CSGALNACT2: variants seen among roughly 807,000 people sequenced by gnomAD.
CSGALNACT2 encodes the protein beta 4 GalNAcT-2.
In CSGALNACT2, 35 loss-of-function variants were observed where a neutral mutation model predicts 55.3. The ratio of observed to expected loss-of-function variants is 0.63; its 90% CI spans 0.48 to 0.84. CSGALNACT2 has a LOEUF of 0.84. Ranked by LOEUF, CSGALNACT2 falls within the 40% of genes least tolerant of loss-of-function variation. The pLI is 0.00. For missense variants in CSGALNACT2, 544 were observed against 657.5 expected, an observed-to-expected ratio of 0.83 and a Z score of 1.89; for synonymous variants, 196 against 224.9, an observed-to-expected ratio of 0.87 and a Z score of 1.15.
chr10:43,142,200 ATTTG>A (rs879291730), intron 1 of CSGALNACT2, among the ~76,000 whole-genome samples: 6 of 148,518 alleles, frequency 4.0e-5, no homozygotes, highest in Non-Finnish European at 7.5e-5. Flanking sequence ...GTATTTATTT[ATTTG>A]TTTATTTATT....
At position 43,184,762 on chromosome 10, in the gene CSGALNACT2, T is replaced by G. The variant is rs1023984085; in HGVS notation, c.*1220T>G. 1 of 152,236 alleles carries G rather than the reference T, an allele frequency of 6.6e-6. No homozygotes were observed. Among genetic ancestry groups the G allele is most frequent in the Non-Finnish European group, 1.5e-5 (1 of 68,032 alleles). The allele number at this position is 152,236 out of a possible 1,614,324, so 9.4% of individuals were successfully genotyped here. ...ACTGCACTACATTATTTGTCACACATGGATCTGTTACCATCAGGTCAATTC... is the reference window on the plus strand; with the variant it reads ...ACTGCACTACATTATTTGTCACACAGGGATCTGTTACCATCAGGTCAATTC... On this transcript the variant is annotated 3_prime_UTR_variant, in exon 8 of 8. Transcript: ENST00000374466.
At chr10:43,167,462 A>G (rs2133136522) in intron 6 of CSGALNACT2, among the ~76,000 whole-genome samples, 1 of 152,352 alleles carries the variant, frequency 6.6e-6, no homozygotes, top group South Asian at 2.1e-4. Flanking sequence ...GCTAAATAAG[A>G]GGGAATAGTA....
intron 7 of CSGALNACT2, among the ~76,000 whole-genome samples, chr10:43,182,173 G>T (rs1839601960): frequency 6.6e-6 from 1 of 151,794 alleles, no homozygotes; most frequent in African/African-American, 2.4e-5. Context: ...CACTCTATCA[G>T]AATTGTTCTG....
chr10:43,176,138 T>C, intron 7 of CSGALNACT2, 106 bp downstream of exon 7: 1 of 798,426 alleles, frequency 1.3e-6, no homozygotes, highest in East Asian at 2.7e-5. Flanking sequence ...AGTATGAGTG[T>C]CTAAGGTTAG....
At chr10:43,161,394 C>G (rs890979154) in intron 4 of CSGALNACT2, among the ~76,000 whole-genome samples, 31 of 152,144 alleles carry the variant, frequency 2.0e-4, no homozygotes, top group African/African-American at 7.0e-4. Context: ...CATCTCTAAC[C>G]ACACCAGCTC....
At chr10:43,154,122 G>A (rs905291416) in intron 1 of CSGALNACT2, among the ~76,000 whole-genome samples, 9 of 152,190 alleles carry the variant, frequency 5.9e-5, no homozygotes, top group Non-Finnish European at 4.4e-5. Context: ...AATTAATGAG[G>A]TAGAATGCTT....
At chr10:43,176,105 A>G (rs1296454364) in intron 7 of CSGALNACT2, 73 bp downstream of exon 7, 11 of 1,222,448 alleles carry the variant, frequency 9.0e-6, no homozygotes, top group Non-Finnish European at 1.3e-5. Context: ...AAAAGGTCTC[A>G]GATTTGAGTG....
chr10:43,173,782 CAA>C (rs1232830210), intron 6 of CSGALNACT2, among the ~76,000 whole-genome samples: 7 of 152,072 alleles, frequency 4.6e-5, no homozygotes, highest in Non-Finnish European at 8.8e-5. Flanking sequence ...CACCAGAGGT[CAA>C]GAGTTCGATA....
intron 4 of CSGALNACT2, among the ~76,000 whole-genome samples, chr10:43,161,704 G>C (rs1839153294): frequency 6.6e-6 from 1 of 152,174 alleles, no homozygotes; most frequent in Non-Finnish European, 1.5e-5. Context: ...TTTCAGTTCA[G>C]AGTAAAACCA....
In CSGALNACT2 at chr10:43,138,450, A is replaced by G. The variant is rs374518707; in HGVS notation, c.-371A>G. The G allele has an allele frequency of 6.6e-6, 1 of 151,106 alleles. No homozygotes were observed. The highest frequency in any genetic ancestry group is 1.5e-5 in the Non-Finnish European group (1 of 67,720). The allele number at this position is 151,106 out of a possible 1,614,324, so 9.4% of individuals were successfully genotyped here. On this transcript the variant is annotated 5_prime_UTR_variant, in exon 1 of 8. Transcript: ENST00000374466. ...TCGCGCGCGCCGGAAGTGGCCTCTC[A>G]GGCGCGGCGGCGCGCCCGGGGGTGG... is the stretch of plus-strand genomic sequence containing the variant.
At position 43,155,325 on chromosome 10, in the gene CSGALNACT2, C is replaced by T. The variant is rs1283465899; in HGVS notation, c.176C>T (p.Ala59Val). 3.1e-6 allele frequency: 5 copies of T among 1,614,000 alleles called. No homozygotes were observed. The highest frequency in any genetic ancestry group is 2.7e-5 in the African/African-American group (2 of 74,884). Residue 59 changes from alanine (A) to valine (V), a missense_variant, in exon 2 of 8, where the codon GCC (alanine) becomes GTC (valine). By Grantham distance (64) the Ala-to-Val change is moderately conservative. Transcript: ENST00000374466. ...AATTATGGTAAAGAGTATTATCAAG[C>T]CCTCCTACAGGAACAAGAAGAACAT... ...GENYGKEYYQ[A>V]LLQEQEEHYQ... is the part of the protein sequence containing the mutation.
intron 1 of CSGALNACT2, among the ~76,000 whole-genome samples, chr10:43,149,454 G>A (rs968796861): frequency 2.6e-5 from 4 of 152,158 alleles, no homozygotes; most frequent in Non-Finnish European, 5.9e-5. Flanking sequence ...TGTCTGTTGA[G>A]ATGATCAAGT....
chr10:43,168,792 A>G (rs947316890), intron 6 of CSGALNACT2, among the ~76,000 whole-genome samples: 9 of 152,332 alleles, frequency 5.9e-5, no homozygotes, highest in African/African-American at 1.9e-4. Context: ...CACGTCTGCC[A>G]TATCTGACGG....
chr10:43,159,534 A>C (rs1354713065), intron 3 of CSGALNACT2, among the ~76,000 whole-genome samples: 1 of 152,142 alleles, frequency 6.6e-6, no homozygotes, highest in African/African-American at 2.4e-5. Flanking sequence ...GTATACACTC[A>C]CGAACCACCA....
At chr10:43,145,573 T>TA (rs1178856037) in intron 1 of CSGALNACT2, among the ~76,000 whole-genome samples, 3 of 152,104 alleles carry the variant, frequency 2.0e-5, no homozygotes, top group Non-Finnish European at 4.4e-5. Flanking sequence ...CACGCCTGGC[T>TA]AATTTTTTAA....
chr10:43,159,360 G>C (rs569448672), intron 3 of CSGALNACT2, among the ~76,000 whole-genome samples: 1 of 151,744 alleles, frequency 6.6e-6, no homozygotes, highest in East Asian at 1.9e-4. Flanking sequence ...ATGCAGTGGA[G>C]TGAGCACAGT....
chr10:43,163,328 T>G, intron 4 of CSGALNACT2: 1 of 718,596 alleles, frequency 1.4e-6, no homozygotes. Flanking sequence ...ACAAAATCCC[T>G]GCTCCCACAG....
At chr10:43,153,119 G>A (rs958124990) in intron 1 of CSGALNACT2, among the ~76,000 whole-genome samples, 31 of 151,982 alleles carry the variant, frequency 2.0e-4, no homozygotes, top group Non-Finnish European at 2.6e-4. Context: ...GGAGGCCGAG[G>A]CGGGCGGATC....
chr10:43,172,109 C>A (rs1458731417), intron 6 of CSGALNACT2, among the ~76,000 whole-genome samples: 1 of 152,150 alleles, frequency 6.6e-6, no homozygotes, highest in East Asian at 1.9e-4. Context: ...CCCTCTGATC[C>A]AGTAATTTCC....
Sources: gnomAD v4.1 joint callset for allele counts (sites outside exome capture counted in the v4.1 genomes callset) on GRCh38, gnomAD v4.1.1 for gene constraint, MANE v1.5 for transcripts, NCBI Gene and HGNC (gene_info 2026-07-23, HGNC 2026-07-21) for gene names.